Variants in COX7B2 observed in about 807,000 individuals in gnomAD.
COX7B2 encodes cytochrome c oxidase subunit 7B2, mitochondrial.
For missense variants in COX7B2, 109 were observed against 95.9 expected, an observed-to-expected ratio of 1.14 and a Z score of -0.57; for synonymous variants, 37 against 32.1, an observed-to-expected ratio of 1.15 and a Z score of -0.51.
chr4:46,897,642 T>C (rs1343521172), intron 1 of COX7B2, among the ~76,000 whole-genome samples: 1 of 152,190 alleles, frequency 6.6e-6, no homozygotes, highest in Non-Finnish European at 1.5e-5. Flanking sequence ...ACTGCTGTCC[T>C]ATCCCCTTCC....
At chr4:46,850,557 A>C (rs1016241858) in intron 1 of COX7B2, among the ~76,000 whole-genome samples, 1 of 152,152 alleles carries the variant, frequency 6.6e-6, no homozygotes, top group Non-Finnish European at 1.5e-5. Flanking sequence ...TCCACTTCCT[A>C]AAAGTGTAAG....
intron 2 of COX7B2, among the ~76,000 whole-genome samples, chr4:46,781,927 C>A (rs1007418873): frequency 6.6e-6 from 1 of 152,212 alleles, no homozygotes; most frequent in Non-Finnish European, 1.5e-5. Flanking sequence ...GCCCTCCATG[C>A]TCAAGCACCC....
At chr4:46,872,312 T>A (rs1443324788) in intron 1 of COX7B2, among the ~76,000 whole-genome samples, 1 of 152,040 alleles carries the variant, frequency 6.6e-6, no homozygotes, top group Non-Finnish European at 1.5e-5. Flanking sequence ...CAGACACTGG[T>A]GCCTACTTGA....
At chr4:46,846,107 T>G (rs1256514739) in intron 1 of COX7B2, among the ~76,000 whole-genome samples, 1 of 152,052 alleles carries the variant, frequency 6.6e-6, no homozygotes, top group Non-Finnish European at 1.5e-5. Context: ...GAAGGTAAAA[T>G]AGTTTTGTAA....
chr4:46,823,106 G>A (rs1355784468), intron 2 of COX7B2, among the ~76,000 whole-genome samples: 2 of 151,996 alleles, frequency 1.3e-5, no homozygotes, highest in Non-Finnish European at 2.9e-5. Context: ...ATAGCCTTTT[G>A]TTCCAGGAAA....
At chr4:46,826,246 G>A (rs1291328670) in intron 2 of COX7B2, among the ~76,000 whole-genome samples, 1 of 152,036 alleles carries the variant, frequency 6.6e-6, no homozygotes, top group African/African-American at 2.4e-5. Flanking sequence ...AGACATATAT[G>A]CAGTCAAAAA....
In COX7B2 at chr4:46,779,197, C is replaced by A. The variant is rs189464197; in HGVS notation, c.-49-43956G>T. ...TTATTACATTTAATTCTCAGGCAAC[C>A]CAAAGAGGCAATGCTATTTCCAAAT... On this transcript the variant is annotated intron_variant, in intron 2 of 2. Transcript: ENST00000355591. Among the ~76,000 whole-genome samples, 753 of 152,166 alleles carry A rather than the reference C, an allele frequency of 4.9e-3. 6 individuals carry two copies. Among genetic ancestry groups the A allele is most frequent in the East Asian group, 0.014 (74 of 5,180 alleles).
At chr4:46,875,599 A>G (rs914286544) in intron 1 of COX7B2, among the ~76,000 whole-genome samples, 2 of 151,926 alleles carry the variant, frequency 1.3e-5, no homozygotes, top group African/African-American at 4.8e-5. Flanking sequence ...GGTTCTAGTG[A>G]TTATGGGAAA....
intron 2 of COX7B2, among the ~76,000 whole-genome samples, chr4:46,738,968 A>G (rs1714539576): frequency 6.6e-6 from 1 of 152,084 alleles, no homozygotes; most frequent in Admixed American, 6.6e-5. Context: ...TCTTTCTGCA[A>G]AAAATAACTA....
intron 1 of COX7B2, among the ~76,000 whole-genome samples, chr4:46,903,558 A>T (rs1218086258): frequency 6.6e-6 from 1 of 152,096 alleles, no homozygotes; most frequent in Non-Finnish European, 1.5e-5. Flanking sequence ...ACATTTACTC[A>T]CTACTCACTC....
chr4:46,903,916 G>A (rs1450127475), intron 1 of COX7B2: 3 of 152,174 alleles, frequency 2.0e-5, no homozygotes, highest in Admixed American at 2.0e-4. Context: ...TTGCTGTTCA[G>A]CGATGCATGA....
At chr4:46,754,771 A>T (rs985698615) in intron 2 of COX7B2, among the ~76,000 whole-genome samples, 1 of 107,544 alleles carries the variant, frequency 9.3e-6, no homozygotes, top group African/African-American at 4.1e-5. Context: ...AGAATAGGCC[A>T]GTAATGGGTG....
rs901952662 is a variant in COX7B2, at chr4:46,819,463, C to T, written c.-50+25497G>A. 6.6e-5 allele frequency among the ~76,000 whole-genome samples: 10 copies of T among 151,668 alleles called. No homozygotes were observed. The East Asian group carries it at 1.9e-3, about 29-fold the overall frequency. ...AGGGGTGTCCAATCTTTTGGCTTCT[C>T]CAGGCCACACTGCAAGAAGAAGAAT... On this transcript the variant is annotated intron_variant, in intron 2 of 2. Transcript: ENST00000355591.
chr4:46,803,690 A>G (rs544887843), intron 2 of COX7B2, among the ~76,000 whole-genome samples: 5 of 150,418 alleles, frequency 3.3e-5, no homozygotes, highest in African/African-American at 1.2e-4. Flanking sequence ...TCATATCACA[A>G]TTGTTGTTGC....
chr4:46,777,767 T>C (rs532043090), intron 2 of COX7B2, among the ~76,000 whole-genome samples: 83 of 152,314 alleles, frequency 5.4e-4, no homozygotes, highest in African/African-American at 1.8e-3. Context: ...ACATTGCAGC[T>C]GGTTCAGTCC....
intron 1 of COX7B2, among the ~76,000 whole-genome samples, chr4:46,855,056 G>A (rs922700700): frequency 3.3e-5 from 5 of 151,960 alleles, no homozygotes; most frequent in East Asian, 1.9e-4. Flanking sequence ...GGCCAGGTGC[G>A]GTGCCTCACG....
chr4:46,795,039 TGGGGTTG>T (rs1468002473), intron 2 of COX7B2, among the ~76,000 whole-genome samples: 4,027 of 149,882 alleles, frequency 0.027, 200 homozygotes, highest in African/African-American at 0.086. Flanking sequence ...CACTTTTTGA[TGGGGTTG>T]TTTGTTTTTT....
intron 1 of COX7B2, among the ~76,000 whole-genome samples, chr4:46,851,362 G>C (rs926861088): frequency 6.6e-6 from 1 of 151,982 alleles, no homozygotes; most frequent in South Asian, 2.1e-4. Flanking sequence ...AATCAGACAT[G>C]AAAGAAGGAA....
chr4:46,751,515 A>G (rs1406195730), intron 2 of COX7B2, among the ~76,000 whole-genome samples: 1 of 152,158 alleles, frequency 6.6e-6, no homozygotes, highest in African/African-American at 2.4e-5. Context: ...ACTCAAGTAC[A>G]TATTGAAATA....
Sources: allele counts gnomAD v4.1 joint callset (sites outside exome capture counted in the v4.1 genomes callset), GRCh38; gene constraint gnomAD v4.1.1; transcripts MANE v1.5; gene names NCBI Gene and HGNC (gene_info 2026-07-23, HGNC 2026-07-21).